Variants in KDM5A observed in about 807,000 individuals in gnomAD.
KDM5A encodes lysine-specific demethylase 5A.
Under a neutral mutation model 193.5 loss-of-function variants are expected in KDM5A, and 42 were observed. The observed-to-expected ratio is 0.22, with a 90% confidence interval of 0.17 to 0.28. The LOEUF (loss-of-function observed/expected upper bound fraction) is 0.28. Among genes scored for constraint, KDM5A ranks in the 10% least tolerant of loss-of-function variants. KDM5A has a pLI of 1.00. For synonymous variants in KDM5A, 796 were observed against 718.1 expected (o/e 1.11, Z -1.73); for missense variants, 1,692 against 2,055.1 (o/e 0.82, Z 3.42).
At chr12:333,336 T>C (rs1943886468) in intron 12 of KDM5A, 151 bp downstream of exon 12, 1 of 795,698 alleles carries the variant, frequency 1.3e-6, no homozygotes, top group South Asian at 1.5e-5. Context: ...GGAGAACTGC[T>C]TGAGCTGAGC....
intron 18 of KDM5A, among the ~76,000 whole-genome samples, chr12:318,815 A>G (rs1943681712): frequency 6.6e-6 from 1 of 152,224 alleles, no homozygotes; most frequent in Admixed American, 6.5e-5. Flanking sequence ...CATAGGAATA[A>G]AATGTTTCAG....
intron 1 of KDM5A, chr12:388,221 T>C (rs1369207167): frequency 8.8e-6 from 4 of 452,976 alleles, no homozygotes; most frequent in Admixed American, 4.8e-5. Flanking sequence ...GGATAGTATC[T>C]GTTTTCCTTA....
intron 24 of KDM5A, among the ~76,000 whole-genome samples, chr12:304,792 T>C (rs1026540581): frequency 3.3e-5 from 5 of 152,210 alleles, no homozygotes; most frequent in African/African-American, 1.2e-4. Flanking sequence ...GTTACCAGTC[T>C]GCTTTCAAGC....
rs147078986 is a variant in KDM5A, at chr12:331,466, C to T, written c.1773+353G>A. Among the ~76,000 whole-genome samples the T allele has an allele frequency of 1.3e-3, 201 of 150,844 alleles. 1 individual carries two copies. The highest frequency in any genetic ancestry group is 4.5e-3 in the African/African-American group (185 of 40,992). ...CAGTCTCTCTCTTCTGAGCATCTGA[C>T]CAGAAGGGAGGGAGTCAAAATAAAG... On this transcript the variant is annotated intron_variant, in intron 13 of 27. Transcript: ENST00000399788.
At position 282,898 on chromosome 12, in the gene KDM5A, T is replaced by C. The variant is rs1413495154; in HGVS notation, c.*2558A>G. 1 of 232,392 alleles carries C rather than the reference T, an allele frequency of 4.3e-6. No homozygotes were observed. Among genetic ancestry groups the C allele is most frequent in the Non-Finnish European group, 8.5e-6 (1 of 117,594 alleles). 14.4% of individuals were successfully genotyped at this position (232,392 alleles called of 1,614,324 possible). On this transcript the variant is annotated 3_prime_UTR_variant, in exon 28 of 28. Transcript: ENST00000399788. The stretch of plus-strand genomic sequence containing the variant: ...CATTAATTCCAAAACCGCAGATTTG[T>C]GTATTTTTTGTTTTGCCATTAATTT...
chr12:294,727 T>C (rs1350415554), intron 26 of KDM5A, among the ~76,000 whole-genome samples: 2 of 152,200 alleles, frequency 1.3e-5, no homozygotes, highest in Non-Finnish European at 2.9e-5. Flanking sequence ...TGAAAATGAA[T>C]GAAAAGAAAA....
chr12:372,845 ATAATT>A (rs1363475278), intron 3 of KDM5A, among the ~76,000 whole-genome samples: 1 of 152,160 alleles, frequency 6.6e-6, no homozygotes, highest in Non-Finnish European at 1.5e-5. Context: ...ATCTATTGAG[ATAATT>A]GTGTGGTTTT....
intron 3 of KDM5A, among the ~76,000 whole-genome samples, chr12:371,912 T>C (rs1279408211): frequency 7.2e-5 from 11 of 152,208 alleles, no homozygotes; most frequent in Admixed American, 7.2e-4. Flanking sequence ...CGGTTGCAGA[T>C]GTATGGTATT....
intron 1 of KDM5A, chr12:388,476 T>C (rs986298168): frequency 8.0e-6 from 3 of 374,566 alleles, no homozygotes; most frequent in Admixed American, 6.9e-5. Flanking sequence ...AGTAATACCA[T>C]CCGGTGAGAC....
chr12:354,224 T>C lies in KDM5A; in HGVS notation c.881A>G (p.Tyr294Cys), dbSNP rs774502944. The C allele has an allele frequency of 1.2e-5, 19 of 1,606,826 alleles. No individual in the cohort carries two copies. Among genetic ancestry groups the C allele is most frequent in the South Asian group, 4.4e-5 (4 of 90,772 alleles). ...TCCCCGACCACAAAACATACAAACA[T>C]AGAGATCAACCTGTTAAAAAAAAAA... The part of the protein sequence containing the change: ...GTLSVNFVDL[Y>C]VCMFCGRGNN... Residue 294 changes from tyrosine to cysteine, a missense_variant, in exon 8 of 28, where the codon TAT becomes TGT. Tyr to Cys is a radical substitution (Grantham distance 194). This residue lies in a region of KDM5A where 134 missense variants were observed against 124.2 expected (regional missense o/e 1.08). Transcript: ENST00000399788.
At chr12:378,686 C>T (rs781249111) in intron 3 of KDM5A, among the ~76,000 whole-genome samples, 2 of 152,208 alleles carry the variant, frequency 1.3e-5, no homozygotes, top group Non-Finnish European at 2.9e-5. Context: ...CAGCCAGGCA[C>T]GGTGGCTCAC....
At position 328,874 on chromosome 12, in the gene KDM5A, A is replaced by G. The variant is rs1943826784; in HGVS notation, c.1929T>C (p.Thr643=). Residue 643 remains threonine (T), a synonymous_variant, in exon 14 of 28, where the codon ACT becomes ACC. Coordinates refer to ENST00000399788, the MANE Select transcript of KDM5A (RefSeq NM_001042603.3). The part of the protein sequence containing the change: ...AMVCKELTLM[T]EEETRLRESV... Reference sequence around the variant, plus strand: ...ACTCTCTTAATCGTGTTTCTTCTTCAGTCATGAGAGTCAATTCTTTGCAGA... The same window carrying G: ...ACTCTCTTAATCGTGTTTCTTCTTCGGTCATGAGAGTCAATTCTTTGCAGA... 6.2e-7 allele frequency: 1 copy of G among 1,614,192 alleles called. No homozygotes were observed. Among genetic ancestry groups the G allele is most frequent in the Non-Finnish European group, 8.5e-7 (1 of 1,180,040 alleles).
intron 15 of KDM5A, 22 bp from the exon 16 acceptor site, chr12:323,228 A>AAAAAAAAAAAAAAAAAAAAAAAAAAAAC: frequency 6.7e-7 from 1 of 1,501,366 alleles, no homozygotes; most frequent in Non-Finnish European, 8.9e-7. Flanking sequence ...AAAAAAAAAA[A>AAAAAAAAAAAAAAAAAAAAAAAAAAAAC]AAAAAAAAAA....
chr12:296,012 G>T (rs1382950536), intron 25 of KDM5A, among the ~76,000 whole-genome samples: 13 of 152,170 alleles, frequency 8.5e-5, no homozygotes, highest in African/African-American at 2.4e-4. Flanking sequence ...ATGGTTTGGG[G>T]TTATTAATAA....
intron 19 of KDM5A, among the ~76,000 whole-genome samples, chr12:314,692 A>G (rs1269638856): frequency 1.3e-5 from 2 of 152,168 alleles, no homozygotes; most frequent in Non-Finnish European, 2.9e-5. Context: ...TAATCTGGAA[A>G]GCTGGGGCCA....
intron 10 of KDM5A, among the ~76,000 whole-genome samples, chr12:343,436 G>A (rs530589535): frequency 3.9e-5 from 6 of 152,332 alleles, no homozygotes; most frequent in Non-Finnish European, 8.8e-5. Context: ...TCACCTCTGA[G>A]AATGGACAGA....
At chr12:339,995 C>T (rs1253693308) in intron 10 of KDM5A, among the ~76,000 whole-genome samples, 1 of 151,848 alleles carries the variant, frequency 6.6e-6, no homozygotes, top group African/African-American at 2.4e-5. Flanking sequence ...CCCACCTCAG[C>T]CTCACAAGCA....
In KDM5A at chr12:281,572, G is replaced by A. The variant is rs1470408239; in HGVS notation, c.*3884C>T. On this transcript the variant is annotated 3_prime_UTR_variant, in exon 28 of 28. Transcript: ENST00000399788. ...GAGGAATTTCAAAAGGAGTACTTAAGGACCTGCTATAAAAGCAACCTTCTA... is the reference window on the plus strand; with the variant it reads ...GAGGAATTTCAAAAGGAGTACTTAAAGACCTGCTATAAAAGCAACCTTCTA... 1.3e-5 allele frequency: 3 copies of A among 233,176 alleles called. No homozygotes were observed. In the East Asian group the frequency reaches 1.8e-4, roughly 14 times the overall value. 14.4% of individuals were successfully genotyped at this position (233,176 alleles called of 1,614,324 possible).
At chr12:291,141 T>C (rs569885493) in intron 27 of KDM5A, among the ~76,000 whole-genome samples, 25 of 152,256 alleles carry the variant, frequency 1.6e-4, no homozygotes, top group African/African-American at 3.4e-4. Context: ...TATAGGAAGA[T>C]GCTTATAAAA....
Sources: gnomAD v4.1 joint callset for allele counts (sites outside exome capture counted in the v4.1 genomes callset) on GRCh38, gnomAD v4.1.1 for gene constraint, gnomAD v4.1.1 regional missense constraint, MANE v1.5 for transcripts, NCBI Gene and HGNC (gene_info 2026-07-23, HGNC 2026-07-21) for gene names.